C16orf96: variants seen among roughly 807,000 people sequenced by gnomAD.
C16orf96 encodes uncharacterized protein C16orf96.
C16orf96 carries 108 observed loss-of-function variants against 103.6 expected under a neutral mutation model. That is an observed-to-expected ratio of 1.04 (90% CI 0.89 to 1.22). C16orf96 has a LOEUF of 1.22. C16orf96 is among the 50% of genes most tolerant of loss of function. The pLI, the probability that C16orf96 is intolerant of heterozygous loss-of-function variation, is 0.00. For synonymous variants in C16orf96, 566 were observed against 593.5 expected, an observed-to-expected ratio of 0.95 and a Z score of 0.67; for missense variants, 1,586 against 1,464.2, an observed-to-expected ratio of 1.08 and a Z score of -1.36.
chr16:4,563,936 A>G (rs867459608), intron 1 of C16orf96, among the ~76,000 whole-genome samples: 48 of 150,048 alleles, frequency 3.2e-4, no homozygotes, highest in African/African-American at 1.1e-3. Flanking sequence ...GGTGGCTCCC[A>G]CCTGTAATCC....
the C16orf96 span, among the ~76,000 whole-genome samples, chr16:4,544,311 A>C: frequency 1.3e-5 from 2 of 152,170 alleles, no homozygotes; most frequent in South Asian, 4.2e-4. Context: ...TCTCCAAAAT[A>C]TTTCATTTTT....
chr16:4,581,505 C>T (rs1200039724), intron 7 of C16orf96, among the ~76,000 whole-genome samples: 7 of 150,160 alleles, frequency 4.7e-5, no homozygotes, highest in East Asian at 2.0e-4. Context: ...TGGTGGCTGG[C>T]GCCTGTAGTC....
rs2059446170 is a variant in C16orf96 at position 4,572,159 on chromosome 16, G to T, written c.525+494G>T. On this transcript the variant is annotated intron_variant, in intron 2 of 15. Transcript: ENST00000444310. Reference sequence around the variant, plus strand: ...CACCATACCTGGCCGACCCCTCCATGCTTTCTACCCCAGTGTGTTAAAACG... The same window carrying T: ...CACCATACCTGGCCGACCCCTCCATTCTTTCTACCCCAGTGTGTTAAAACG... Among the ~76,000 whole-genome samples, 9 of 151,836 alleles carry T rather than the reference G, an allele frequency of 5.9e-5. No individual in the cohort carries two copies. In the South Asian group the frequency reaches 1.7e-3, roughly 28 times the overall value.
At chr16:4,589,179 C>G (rs148580242) in intron 9 of C16orf96, among the ~76,000 whole-genome samples, 113 of 152,316 alleles carry the variant, frequency 7.4e-4, no homozygotes, top group African/African-American at 2.7e-3. Context: ...AACCATACCT[C>G]TTGGTATTCA....
At chr16:4,578,397 C>T (rs1284016705) in intron 5 of C16orf96, among the ~76,000 whole-genome samples, 1 of 152,060 alleles carries the variant, frequency 6.6e-6, no homozygotes, top group East Asian at 1.9e-4. Flanking sequence ...CCTGCCTCGG[C>T]CTCCCACAGT....
chr16:4,556,083 A>G (rs1468400970), upstream of C16orf96, among the ~76,000 whole-genome samples: 1 of 152,140 alleles, frequency 6.6e-6, no homozygotes, highest in Non-Finnish European at 1.5e-5. Context: ...GGATTCGAGA[A>G]AATTCCAAGG....
At position 4,586,413 on chromosome 16, in the gene C16orf96, G is replaced by A. The variant is rs73515049; in HGVS notation, c.2353-626G>A. 5.6e-3 allele frequency among the ~76,000 whole-genome samples: 851 copies of A among 152,342 alleles called. 14 individuals carry two copies. Among genetic ancestry groups the A allele is most frequent in the African/African-American group, 0.02 (815 of 41,570 alleles). On this transcript the variant is annotated intron_variant, in intron 7 of 15. Coordinates refer to ENST00000444310, the MANE Select transcript of C16orf96 (RefSeq NM_001145011.2). ...TCCAGAGTTCTGTTCGTAAGCGTGAGCGGGACACCCGACAGGAAGAGAGAA... is the reference window on the plus strand; with the variant it reads ...TCCAGAGTTCTGTTCGTAAGCGTGAACGGGACACCCGACAGGAAGAGAGAA...
intron 6 of C16orf96, among the ~76,000 whole-genome samples, chr16:4,579,801 T>C (rs767296232): frequency 6.6e-6 from 1 of 152,014 alleles, no homozygotes; most frequent in African/African-American, 2.4e-5. Context: ...TTGTAGAGAC[T>C]GGTTTCGCCG....
chr16:4,572,271 G>A (rs1461794915), intron 2 of C16orf96, among the ~76,000 whole-genome samples: 1 of 151,016 alleles, frequency 6.6e-6, no homozygotes, highest in African/African-American at 2.4e-5. Context: ...GTCCAGGGAC[G>A]GCCAGATCTA....
At chr16:4,552,736 A>G (rs1271350462), upstream of C16orf96, among the ~76,000 whole-genome samples, 3 of 152,114 alleles carry the variant, frequency 2.0e-5, no homozygotes, top group South Asian at 4.1e-4. Flanking sequence ...AGCATTGCAG[A>G]CCCTGCCAAA....
Position 4,574,797 on chromosome 16 carries a change from C to A in C16orf96, c.606+8C>A. 1 of 1,550,964 alleles carries A rather than the reference C, an allele frequency of 6.4e-7. No homozygotes were observed. On this transcript the variant is annotated splice_region_variant and intron_variant, in intron 3 of 15. Coordinates refer to ENST00000444310, the MANE Select transcript of C16orf96 (RefSeq NM_001145011.2). ...GCACTGCAGCGGGAAGTGGTGAGGG[C>A]CACCATCCCTGTCTTCCCCCACTCC...
At chr16:4,563,233 G>T (rs765382743) in intron 1 of C16orf96, 2 of 522,492 alleles carry the variant, frequency 3.8e-6, no homozygotes, top group African/African-American at 2.0e-5. Context: ...CCTCTTGCTC[G>T]TTCGCTCATG....
intron 1 of C16orf96, chr16:4,559,957 G>A (rs193025188): frequency 2.6e-5 from 4 of 152,292 alleles, no homozygotes; most frequent in East Asian, 1.9e-4. Context: ...AGAATGAAGT[G>A]TCTTGGAAGT....
At chr16:4,546,623 C>G in the C16orf96 span, among the ~76,000 whole-genome samples, 10 of 152,044 alleles carry the variant, frequency 6.6e-5, no homozygotes, top group African/African-American at 2.4e-4. Context: ...TGCCATTATG[C>G]CCAGCTATTT....
At chr16:4,559,040 G>A (rs1478500084) in intron 1 of C16orf96, among the ~76,000 whole-genome samples, 2 of 151,746 alleles carry the variant, frequency 1.3e-5, no homozygotes. Context: ...AGTTGAGATC[G>A]CACCACTGCC....
At chr16:4,550,129 C>T in the C16orf96 span, among the ~76,000 whole-genome samples, 13 of 151,098 alleles carry the variant, frequency 8.6e-5, no homozygotes, top group East Asian at 5.8e-4. Context: ...TTGTTGCCCC[C>T]GCTGGAGTGC....
At chr16:4,579,761 G>A (rs979785832) in intron 6 of C16orf96, among the ~76,000 whole-genome samples, 2 of 151,954 alleles carry the variant, frequency 1.3e-5, no homozygotes, top group African/African-American at 4.8e-5. Flanking sequence ...ACAGGGGCCC[G>A]CCACCACACC....
Position 4,591,740 on chromosome 16 carries a change from T to A in C16orf96, c.2667T>A (p.Ile889=). The change falls in exon 10 of 16, where the codon ATT becomes ATA. Residue 889 remains isoleucine (I), a synonymous_variant. Coordinates refer to ENST00000444310, the MANE Select transcript of C16orf96 (RefSeq NM_001145011.2). ...GGAAAATCGTCCGGAAGCTGCTGAT[T>A]GAGGGCTTAAGACTGGATCCTGACA... ...EVWKIVRKLL[I]EGLRLDPDSA... is the part of the protein sequence containing the mutation. 6.4e-7 allele frequency: 1 copy of A among 1,551,666 alleles called. No homozygotes were observed. Among genetic ancestry groups the A allele is most frequent in the Non-Finnish European group, 8.7e-7 (1 of 1,146,986 alleles).
rs1308722396 is a variant in C16orf96 at position 4,592,309 on chromosome 16, C to T, written c.2716C>T (p.Leu906=). Residue 906 remains leucine, a synonymous_variant, in exon 11 of 16, where the codon CTG becomes TTG. Transcript: ENST00000444310. Reference sequence around the variant, plus strand: ...TGATGATCATGTGCCTTTCAGGAAGCTGTTCAAGCGCGTGAAGTGCATCTC... The same window carrying T: ...TGATGATCATGTGCCTTTCAGGAAGTTGTTCAAGCGCGTGAAGTGCATCTC... ...PDSAAGFRRK[L]FKRVKCISCD... is the part of the protein sequence containing the mutation. 1.2e-5 allele frequency: 18 copies of T among 1,551,524 alleles called. No individual in the cohort carries two copies. The highest frequency in any genetic ancestry group is 1.7e-6 in the Non-Finnish European group (2 of 1,146,986).
Sources: gnomAD v4.1 joint callset for allele counts (sites outside exome capture counted in the v4.1 genomes callset) on GRCh38, gnomAD v4.1.1 for gene constraint, MANE v1.5 for transcripts, NCBI Gene and HGNC (gene_info 2026-07-23, HGNC 2026-07-21) for gene names.